Variants in FBXW4 observed in about 807,000 individuals in gnomAD.
FBXW4 encodes the protein F-box and WD repeat domain containing 4.
In FBXW4, 40 loss-of-function variants were observed where a neutral mutation model predicts 61.8. The ratio of observed to expected loss-of-function variants is 0.65; its 90% CI spans 0.50 to 0.84. The LOEUF is 0.84. Ranked by LOEUF, FBXW4 falls within the 40% of genes least tolerant of loss-of-function variation. The pLI, the probability that FBXW4 is intolerant of heterozygous loss-of-function variation, is 0.00. For synonymous variants in FBXW4, 311 were observed against 313.8 expected (o/e 0.99, Z 0.10); for missense variants, 672 against 753.8 (o/e 0.89, Z 1.27).
rs2063795811 is a variant in FBXW4 at position 101,612,456 on chromosome 10, CAA to C, written c.1321_1322del (p.Leu441GlyfsTer3). 1.5e-5 allele frequency: 23 copies of C among 1,586,122 alleles called. No homozygotes were observed. Among genetic ancestry groups the C allele is most frequent in the Non-Finnish European group, 2.0e-5 (23 of 1,165,552 alleles). On this transcript the variant is annotated frameshift_variant, in exon 7 of 9. Coordinates refer to ENST00000331272, the MANE Select transcript of FBXW4 (RefSeq NM_022039.4). LOFTEE classifies it high-confidence loss of function. ...DLNSGQLMTH[L>X]GSDFPPGAGV... Reference sequence around the variant, plus strand: ...CAGCCCCTGGGGGAAAGTCACTGCCCAAGTGTGTCATCAGCTGCCCACTGGGA... The same window carrying C: ...CAGCCCCTGGGGGAAAGTCACTGCCCGTGTGTCATCAGCTGCCCACTGGGA...
intron 6 of FBXW4, among the ~76,000 whole-genome samples, chr10:101,619,804 AAGG>A (rs768893492): frequency 6.6e-5 from 10 of 152,128 alleles, no homozygotes; most frequent in Non-Finnish European, 1.2e-4. Context: ...CCCAGCCTGC[AAGG>A]AGAACAGTCT....
intron 6 of FBXW4, chr10:101,623,054 A>C (rs537288573): frequency 5.9e-5 from 9 of 152,374 alleles, no homozygotes; most frequent in African/African-American, 2.2e-4. Context: ...AACACATGAC[A>C]ATATATTAAC....
intron 5 of FBXW4, among the ~76,000 whole-genome samples, chr10:101,647,432 A>T (rs950250378): frequency 2.0e-5 from 3 of 152,148 alleles, no homozygotes; most frequent in Admixed American, 6.5e-5. Flanking sequence ...AAAGCCTGGG[A>T]ATCCCTTCCC....
At chr10:101,663,188 T>C (rs1415788878) in intron 5 of FBXW4, among the ~76,000 whole-genome samples, 1 of 152,156 alleles carries the variant, frequency 6.6e-6, no homozygotes, top group Non-Finnish European at 1.5e-5. Context: ...CAGAAGAGAA[T>C]GACACTCCCC....
At chr10:101,620,218 T>G (rs899139783) in intron 6 of FBXW4, among the ~76,000 whole-genome samples, 1 of 152,258 alleles carries the variant, frequency 6.6e-6, no homozygotes, top group Non-Finnish European at 1.5e-5. Context: ...CCTCTCGGAT[T>G]GGCCTGTCAG....
At chr10:101,620,697 C>G (rs1228178908) in intron 6 of FBXW4, among the ~76,000 whole-genome samples, 3 of 152,190 alleles carry the variant, frequency 2.0e-5, no homozygotes, top group Non-Finnish European at 4.4e-5. Context: ...AGGCTACTCT[C>G]AAACTCCTGA....
chr10:101,672,587 A>G (rs974514885), intron 4 of FBXW4, among the ~76,000 whole-genome samples: 5 of 152,200 alleles, frequency 3.3e-5, no homozygotes, highest in African/African-American at 1.2e-4. Context: ...AAAATAAAAT[A>G]TTAGGGTCAG....
chr10:101,684,406 G>A (rs888098744), intron 1 of FBXW4, among the ~76,000 whole-genome samples: 3 of 152,148 alleles, frequency 2.0e-5, no homozygotes, highest in Admixed American at 6.5e-5. Context: ...GATTACAGGC[G>A]TGAGCCACTG....
At position 101,637,582 on chromosome 10, in the gene FBXW4, C is replaced by T. The variant is rs572401799; in HGVS notation, c.1236-12772G>A. Among the ~76,000 whole-genome samples the T allele has an allele frequency of 7.5e-3, 1,124 of 150,654 alleles. 9 individuals carry two copies. The highest frequency in any genetic ancestry group is 0.012 in the Non-Finnish European group (821 of 67,742). On this transcript the variant is annotated intron_variant, in intron 5 of 8. Coordinates refer to ENST00000331272, the MANE Select transcript of FBXW4 (RefSeq NM_022039.4). Reference sequence around the variant, plus strand: ...AATTAGCCAGGTGTGGTGGTGCATGCCTGTAATCCCATCTACTTGGGAAGC... The same window carrying T: ...AATTAGCCAGGTGTGGTGGTGCATGTCTGTAATCCCATCTACTTGGGAAGC...
chr10:101,633,630 C>G (rs1174883310), intron 5 of FBXW4, among the ~76,000 whole-genome samples: 1 of 151,972 alleles, frequency 6.6e-6, no homozygotes, highest in African/African-American at 2.4e-5. Flanking sequence ...ATGCTTAGAA[C>G]AGTATATACA....
In FBXW4 at chr10:101,695,035, C is replaced by T; in HGVS notation, c.71G>A (p.Arg24Lys). Reference sequence around the variant, plus strand: ...CGCCACCCTCCCTTCCTGCAGCTTCCTCGCCTCTCCGCCCTCGCCCTCGCC... The same window carrying T: ...CGCCACCCTCCCTTCCTGCAGCTTCTTCGCCTCTCCGCCCTCGCCCTCGCC... ...GPGEGEGGEA[R>K]KLQEGRVARG... The change falls in exon 1 of 9, where the codon AGG (arginine) becomes AAG (lysine). Residue 24 changes from arginine to lysine, a missense_variant. Around this residue, in one of 5 missense-constraint regions of FBXW4, gnomAD observed 38 missense variants for 43.3 expected, o/e 0.88. Transcript: ENST00000331272. This position sits in a 1 kb window ranked among gnomAD's most constrained non-coding sequence, Gnocchi z 4.2. 9.8e-7 allele frequency: 1 copy of T among 1,024,376 alleles called. No individual in the cohort carries two copies. Among genetic ancestry groups the T allele is most frequent in the African/African-American group, 1.7e-5 (1 of 58,846 alleles). The allele number at this position is 1,024,376 out of a possible 1,614,324, so 63.5% of individuals were successfully genotyped here. A position where few individuals can be genotyped will look rare whatever the true frequency, so the allele number is the denominator to read the frequency against.
At chr10:101,643,926 G>A (rs2064074982) in intron 5 of FBXW4, among the ~76,000 whole-genome samples, 1 of 152,198 alleles carries the variant, frequency 6.6e-6, no homozygotes, top group Non-Finnish European at 1.5e-5. Flanking sequence ...ATTGCTTGGT[G>A]GGAACAGTTT....
Position 101,694,478 on chromosome 10 carries a change from ACACCTGGGCC to A in FBXW4, c.618_627del (p.Gln208AlafsTer16). The A allele has an allele frequency of 6.5e-7, 1 of 1,531,526 alleles. No individual in the cohort carries two copies. Among genetic ancestry groups the A allele is most frequent in the Non-Finnish European group, 8.7e-7 (1 of 1,150,404 alleles). 94.9% of individuals were successfully genotyped at this position (1,531,526 alleles called of 1,614,324 possible). ...CTGGTGAAGCGCCGCAGCCAGCGGC[ACACCTGGGCC>A]AGGCGGCCGAGGGCCCGCATGTCCA... On this transcript the variant is annotated frameshift_variant, in exon 1 of 9. Transcript: ENST00000331272. LOFTEE classifies it high-confidence loss of function. The surrounding 1 kb of genome is among the most constrained non-coding windows in gnomAD (Gnocchi z 6.0).
intron 5 of FBXW4, among the ~76,000 whole-genome samples, chr10:101,667,082 T>C (rs2064309571): frequency 6.6e-6 from 1 of 151,532 alleles, no homozygotes; most frequent in Non-Finnish European, 1.5e-5. Context: ...ATACAAAAAA[T>C]TAGCTGGGCG....
intron 1 of FBXW4, among the ~76,000 whole-genome samples, chr10:101,692,563 C>T (rs1447298539): frequency 6.6e-6 from 1 of 151,720 alleles, no homozygotes; most frequent in Non-Finnish European, 1.5e-5. Flanking sequence ...CGAGACCAAC[C>T]TGACCAAGAT....
At chr10:101,621,919 C>T (rs540136726) in intron 6 of FBXW4, among the ~76,000 whole-genome samples, 53 of 152,240 alleles carry the variant, frequency 3.5e-4, no homozygotes, top group African/African-American at 1.3e-3. Context: ...TTGCTTGTCT[C>T]TTGTCTAGGA....
At chr10:101,653,444 C>A (rs2064160594) in intron 5 of FBXW4, among the ~76,000 whole-genome samples, 1 of 152,212 alleles carries the variant, frequency 6.6e-6, no homozygotes, top group East Asian at 1.9e-4. Context: ...CTCCAGCGAG[C>A]CAGACTTGTC....
At chr10:101,638,206 G>T (rs569649140) in intron 5 of FBXW4, among the ~76,000 whole-genome samples, 1 of 152,124 alleles carries the variant, frequency 6.6e-6, no homozygotes, top group Non-Finnish European at 1.5e-5. Flanking sequence ...AATAACCTAC[G>T]TGTCCATCAG....
intron 5 of FBXW4, among the ~76,000 whole-genome samples, chr10:101,652,098 T>C (rs1374149383): frequency 6.6e-6 from 1 of 151,720 alleles, no homozygotes; most frequent in African/African-American, 2.4e-5. Flanking sequence ...GCTTCCCATC[T>C]CCACCCCCTC....
Sources: gnomAD v4.1 joint callset for allele counts (sites outside exome capture counted in the v4.1 genomes callset) on GRCh38, gnomAD v4.1.1 for gene constraint, gnomAD v4.1.1 regional missense constraint, Gnocchi (gnomAD v3.1) non-coding constraint, MANE v1.5 for transcripts, NCBI Gene and HGNC (gene_info 2026-07-23, HGNC 2026-07-21) for gene names.